SGCD: variants seen among roughly 807,000 people sequenced by gnomAD.
The protein encoded by SGCD is sarcoglycan delta, also known as delta-sarcoglycan.
A neutral mutation model predicts 36.6 loss-of-function variants in SGCD; 18 were observed. The observed-to-expected ratio is 0.49, with a 90% confidence interval of 0.34 to 0.73. The LOEUF is 0.73. SGCD is among the 30% of genes least tolerant of loss of function. The probability of loss-of-function intolerance (pLI) is 0.01; values close to 1 mark genes in which losing one functional copy is unlikely to be tolerated. For missense variants in SGCD, 387 were observed against 346.7 expected (o/e 1.12, Z -0.92); for synonymous variants, 133 against 130.6 (o/e 1.02, Z -0.12).
At chr5:156,406,124 G>A (rs767145380) in intron 3 of SGCD, among the ~76,000 whole-genome samples, 1 of 151,280 alleles carries the variant, frequency 6.6e-6, no homozygotes, top group Non-Finnish European at 1.5e-5. Context: ...ACTGTAATGT[G>A]TTCAGACCAT....
the SGCD span, among the ~76,000 whole-genome samples, chr5:155,781,653 T>C: frequency 6.6e-6 from 1 of 151,982 alleles, no homozygotes; most frequent in Admixed American, 6.6e-5. Flanking sequence ...GTATTTTTTG[T>C]AGAGACGGGG....
At position 156,054,108 on chromosome 5, in the gene SGCD, A is replaced by G. The variant is rs150079587; in HGVS notation, c.-281-63770A>G. Among the ~76,000 whole-genome samples the G allele has an allele frequency of 8.7e-4, 127 of 145,810 alleles. 12 individuals are homozygous for G. The highest frequency in any genetic ancestry group is 7.2e-3 in the Middle Eastern group (2 of 278). ...GCAAATCATATATATTTGGGTGGAG[A>G]TGTCAAGTAAGAAATTGGGAATATA... On this transcript the variant is annotated intron_variant, in intron 1 of 9. Transcript: ENST00000517913.
Position 156,133,955 on chromosome 5 carries a change from AC to A in SGCD, c.-44+9937del, listed in dbSNP as rs1561533605. On this transcript the variant is annotated intron_variant, in intron 3 of 9. Coordinates refer to the SGCD transcript ENST00000517913. ...CACACACACACACACACACACACAC[AC>A]ACACAGTTTCTCTCTGTCTCTCTCC... 5.6e-4 allele frequency among the ~76,000 whole-genome samples: 77 copies of A among 136,616 alleles called. 1 individual carries two copies. The highest frequency in any genetic ancestry group is 1.9e-3 in the African/African-American group (73 of 38,186). 89.6% of individuals were successfully genotyped at this position (136,616 alleles called of 152,430 possible). A position where few individuals can be genotyped will look rare whatever the true frequency, so the allele number is the denominator to read the frequency against.
chr5:156,293,603 AC>A (rs1486504660), intron 3 of SGCD, among the ~76,000 whole-genome samples: 1 of 151,948 alleles, frequency 6.6e-6, no homozygotes, highest in African/African-American at 2.4e-5. Context: ...TGATATTGAA[AC>A]CTTTGTCAAA....
intron 3 of SGCD, among the ~76,000 whole-genome samples, chr5:156,288,813 G>C (rs1766683875): frequency 6.6e-6 from 1 of 152,060 alleles, no homozygotes; most frequent in African/African-American, 2.4e-5. Flanking sequence ...GCCTGATTAA[G>C]TCCGTAGGAT....
chr5:156,588,349 T>C (rs113379066), intron 4 of SGCD, among the ~76,000 whole-genome samples: 20,348 of 152,158 alleles, frequency 0.13, 1,491 homozygotes, highest in Admixed American at 0.18. Flanking sequence ...TAAAATTTTA[T>C]GAAATTTAGA....
intron 3 of SGCD, among the ~76,000 whole-genome samples, chr5:156,448,107 C>T (rs971050431): frequency 6.6e-6 from 1 of 152,126 alleles, no homozygotes; most frequent in African/African-American, 2.4e-5. Context: ...CATTGTACTA[C>T]ATCCTCCTCT....
chr5:156,597,751 C>T (rs1374904386), intron 6 of SGCD, among the ~76,000 whole-genome samples: 1 of 141,410 alleles, frequency 7.1e-6, no homozygotes, highest in African/African-American at 2.6e-5. Context: ...TATGTGGATA[C>T]TCTTTTTATA....
At chr5:156,508,406 A>C (rs1756794988) in intron 3 of SGCD, among the ~76,000 whole-genome samples, 195 bp from the exon 4 acceptor site, 1 of 152,182 alleles carries the variant, frequency 6.6e-6, no homozygotes, top group African/African-American at 2.4e-5. Context: ...TCTCAGAAAG[A>C]GTGAAAAAGA....
intron 4 of SGCD, among the ~76,000 whole-genome samples, chr5:156,514,869 T>C (rs961936280): frequency 2.0e-5 from 3 of 152,210 alleles, no homozygotes; most frequent in African/African-American, 7.2e-5. Context: ...ATAAGTAAGA[T>C]AATGTTTTTT....
At chr5:156,322,556 CAG>C (rs1767699406), upstream of SGCD, among the ~76,000 whole-genome samples, 1 of 152,220 alleles carries the variant, frequency 6.6e-6, no homozygotes, top group East Asian at 1.9e-4. Context: ...GCTTATATAA[CAG>C]GGGACTGTTG....
At chr5:156,169,947 A>G (rs1763303602) in intron 3 of SGCD, among the ~76,000 whole-genome samples, 1 of 152,146 alleles carries the variant, frequency 6.6e-6, no homozygotes, top group Non-Finnish European at 1.5e-5. Context: ...GTGGAGAGCC[A>G]TGGAAGTCTC....
the SGCD span, among the ~76,000 whole-genome samples, chr5:155,844,421 TTGTGTGTGTGTGTGTG>T: frequency 6.9e-6 from 1 of 144,498 alleles, no homozygotes; most frequent in Non-Finnish European, 1.5e-5. Flanking sequence ...TGCTAAGGCT[TTGTGTGTGTGTGTGTG>T]TGTGTGTGTG....
chr5:156,619,712 A>G (rs1350532196), intron 6 of SGCD, among the ~76,000 whole-genome samples: 1 of 152,198 alleles, frequency 6.6e-6, no homozygotes, highest in Non-Finnish European at 1.5e-5. Flanking sequence ...TGAGATGACA[A>G]TGTGAATAAG....
At chr5:156,411,832 T>C (rs959825229) in intron 3 of SGCD, among the ~76,000 whole-genome samples, 1 of 152,218 alleles carries the variant, frequency 6.6e-6, no homozygotes, top group Non-Finnish European at 1.5e-5. Flanking sequence ...TGTTGTAAAA[T>C]CATGTTTAAA....
the SGCD span, among the ~76,000 whole-genome samples, chr5:155,757,157 T>G: frequency 6.6e-6 from 1 of 152,222 alleles, no homozygotes. Context: ...ATGCTCGTCT[T>G]GGAAACTTGC....
intron 1 of SGCD, among the ~76,000 whole-genome samples, chr5:155,975,041 T>C (rs1422380255): frequency 6.6e-6 from 1 of 152,174 alleles, no homozygotes; most frequent in Admixed American, 6.5e-5. Context: ...TCATGCCTCC[T>C]GGAGAAAACA....
At chr5:155,893,280 G>T (rs539522508) in intron 1 of SGCD, among the ~76,000 whole-genome samples, 1 of 151,958 alleles carries the variant, frequency 6.6e-6, no homozygotes, top group Non-Finnish European at 1.5e-5. Flanking sequence ...AAAATAAAAC[G>T]TTAGAAAAAA....
At chr5:156,071,496 C>T (rs1380914952) in intron 1 of SGCD, among the ~76,000 whole-genome samples, 1 of 152,126 alleles carries the variant, frequency 6.6e-6, no homozygotes, top group Non-Finnish European at 1.5e-5. Context: ...GTCTGAGAGA[C>T]AGTTTGTTGT....
Sources: allele counts gnomAD v4.1 joint callset (sites outside exome capture counted in the v4.1 genomes callset), GRCh38; gene constraint gnomAD v4.1.1; transcripts MANE v1.5; gene names NCBI Gene and HGNC (gene_info 2026-07-23, HGNC 2026-07-21).